Variants in TRAF3 observed in about 807,000 individuals in gnomAD.
The protein encoded by TRAF3 is TNF receptor-associated factor 3.
In TRAF3, 13 loss-of-function variants were observed where a neutral mutation model predicts 62.3. The observed-to-expected ratio is 0.21, with a 90% CI of 0.14 to 0.33. The LOEUF (loss-of-function observed/expected upper bound fraction) is 0.33, where lower values mean the gene tolerates loss of function less well. Among genes scored for constraint, TRAF3 ranks in the 10% least tolerant of loss-of-function variants. The pLI is 1.00. For missense variants in TRAF3, 440 were observed against 741.8 expected (o/e 0.59, Z 4.73); for synonymous variants, 269 against 283.4 (o/e 0.95, Z 0.51).
intron 2 of TRAF3, among the ~76,000 whole-genome samples, chr14:102,832,060 G>T (rs1253479475): frequency 6.6e-6 from 1 of 152,094 alleles, no homozygotes; most frequent in African/African-American, 2.4e-5. Flanking sequence ...AGAAGTGTGA[G>T]AAGAAAAGTA....
chr14:102,824,944 G>A (rs1900208835), intron 1 of TRAF3, among the ~76,000 whole-genome samples: 1 of 152,212 alleles, frequency 6.6e-6, no homozygotes, highest in Non-Finnish European at 1.5e-5. Context: ...TGAATTGTGA[G>A]TAGACACGAT....
intron 1 of TRAF3, among the ~76,000 whole-genome samples, chr14:102,796,566 G>T (rs952933969): frequency 2.6e-5 from 4 of 152,240 alleles, no homozygotes; most frequent in Non-Finnish European, 5.9e-5. Flanking sequence ...CGACTGAACC[G>T]CCAACAGCTT....
Position 102,872,126 on chromosome 14 carries a change from T to A in TRAF3, c.297+158T>A, listed in dbSNP as rs575608755. 4.6e-5 allele frequency among the ~76,000 whole-genome samples: 7 copies of A among 152,356 alleles called. No individual in the cohort carries two copies. The South Asian group carries it at 1.4e-3, about 32-fold the overall frequency. ...CAGGACACTGTGCCATGTGATCACC[T>A]GGGCAGACAGTGGATTCAGATCCAC... is the stretch of plus-strand genomic sequence containing the variant. On this transcript the variant is annotated intron_variant, in intron 4 of 11. Coordinates refer to ENST00000392745, the MANE Select transcript of TRAF3 (RefSeq NM_145725.3).
Position 102,829,814 on chromosome 14 carries a change from C to A in TRAF3, c.-156-520C>A, listed in dbSNP as rs1900557183. Among the ~76,000 whole-genome samples, 3 of 152,110 alleles carry A rather than the reference C, an allele frequency of 2.0e-5. No homozygotes were observed. In the South Asian group the frequency reaches 6.2e-4, roughly 32 times the overall value. On this transcript the variant is annotated intron_variant, in intron 1 of 11. Coordinates refer to ENST00000392745, the MANE Select transcript of TRAF3 (RefSeq NM_145725.3). ...GCCTATTGTCTTCATTGCCGAAGAT[C>A]TGTTTGCTGTTTGTTAGAAATATAT...
At chr14:102,804,514 G>T (rs1465851213) in intron 1 of TRAF3, among the ~76,000 whole-genome samples, 2 of 152,008 alleles carry the variant, frequency 1.3e-5, no homozygotes, top group Non-Finnish European at 2.9e-5. Context: ...TTGAGTCAGG[G>T]TCTCACTCTG....
In TRAF3 at chr14:102,876,529, C is replaced by G. The variant is rs376228222; in HGVS notation, c.570+4C>G. ...GGTTCCGATGATCGCGCTGCAGGTG[C>G]GGGTCCTCCCATTCCACAGGCCTTC... On this transcript the variant is annotated splice_donor_region_variant and intron_variant, in intron 6 of 11. Transcript: ENST00000392745. 4 of 1,612,622 alleles carry G rather than the reference C, an allele frequency of 2.5e-6. No homozygotes were observed. Among genetic ancestry groups the G allele is most frequent in the Admixed American group, 3.3e-5 (2 of 59,962 alleles).
rs544211332 is a variant in TRAF3 at position 102,779,101 on chromosome 14, C to T, written c.-157+1426C>T. On this transcript the variant is annotated intron_variant, in intron 1 of 11. Transcript: ENST00000392745. ...GGACTGGAAATCCTGTGAGTGGGTG[C>T]TCATGACGGAAACCCTGACAGACCT... Among the ~76,000 whole-genome samples the T allele has an allele frequency of 3.9e-5, 6 of 152,260 alleles. No homozygotes were observed. The East Asian group carries it at 1.2e-3, about 29-fold the overall frequency.
rs1214424484 is a variant in TRAF3 at position 102,908,271 on chromosome 14, G to A, written c.*2487G>A. On this transcript the variant is annotated 3_prime_UTR_variant, in exon 12 of 12. Coordinates refer to ENST00000392745, the MANE Select transcript of TRAF3 (RefSeq NM_145725.3). ...AACCTGAGTGACAGGAGTCCTTGAGGATGGGATGGCCTATGTCACACACTT... is the reference window on the plus strand; with the variant it reads ...AACCTGAGTGACAGGAGTCCTTGAGAATGGGATGGCCTATGTCACACACTT... 1 of 152,330 alleles carries A rather than the reference G, an allele frequency of 6.6e-6. No homozygotes were observed. The highest frequency in any genetic ancestry group is 1.9e-4 in the East Asian group (1 of 5,200). The allele number at this position is 152,330 out of a possible 1,614,324, so 9.4% of individuals were successfully genotyped here.
At chr14:102,781,519 A>C (rs966131197) in intron 1 of TRAF3, among the ~76,000 whole-genome samples, 8 of 152,198 alleles carry the variant, frequency 5.3e-5, no homozygotes, top group African/African-American at 1.4e-4. Flanking sequence ...GCCCCTTCCT[A>C]GCCTGGCATG....
In TRAF3 at chr14:102,878,968, C is replaced by T. The variant is rs553526227; in HGVS notation, c.570+2443C>T. On this transcript the variant is annotated intron_variant, in intron 6 of 11. Transcript: ENST00000392745. ...CAGGTGGGGTATGAGGTAAAGGTGA[C>T]TCCCAGTGCTTGTGGAGAACCTAGG... Among the ~76,000 whole-genome samples the T allele has an allele frequency of 5.9e-5, 9 of 152,078 alleles. No homozygotes were observed. The East Asian group carries it at 1.7e-3, about 29-fold the overall frequency.
intron 1 of TRAF3, among the ~76,000 whole-genome samples, chr14:102,823,632 G>A (rs975075830): frequency 6.6e-6 from 1 of 152,066 alleles, no homozygotes. Context: ...TTGCAGTAAC[G>A]TTTTCTTGTT....
chr14:102,885,147 A>G (rs1037934149), intron 6 of TRAF3, among the ~76,000 whole-genome samples: 3 of 152,154 alleles, frequency 2.0e-5, no homozygotes, highest in African/African-American at 7.2e-5. Context: ...CCTTAGAAAC[A>G]TGCCGAGGAA....
chr14:102,905,901 C>T lies in TRAF3; in HGVS notation c.*117C>T. ...GGACCTTGTGAGACGGAGGAAGCGGCAGAAGGCGGACGCGTGCCGGCGGGA... is the reference window on the plus strand; with the variant it reads ...GGACCTTGTGAGACGGAGGAAGCGGTAGAAGGCGGACGCGTGCCGGCGGGA... On this transcript the variant is annotated 3_prime_UTR_variant, in exon 12 of 12. Transcript: ENST00000392745. The T allele has an allele frequency of 1.0e-6, 1 of 986,138 alleles. No homozygotes were observed. The highest frequency in any genetic ancestry group is 1.5e-6 in the Non-Finnish European group (1 of 669,802). 61.1% of individuals were successfully genotyped at this position (986,138 alleles called of 1,614,324 possible). A position where few individuals can be genotyped will look rare whatever the true frequency, so the allele number is the denominator to read the frequency against.
intron 1 of TRAF3, among the ~76,000 whole-genome samples, chr14:102,822,911 C>G (rs1266794051): frequency 6.6e-6 from 1 of 151,416 alleles, no homozygotes; most frequent in Non-Finnish European, 1.5e-5. Context: ...GAGGCTGAGG[C>G]AGGAGAGTTG....
intron 2 of TRAF3, among the ~76,000 whole-genome samples, chr14:102,867,621 A>G (rs1442647665): frequency 1.3e-5 from 2 of 152,066 alleles, no homozygotes; most frequent in African/African-American, 2.4e-5. Flanking sequence ...CTGAGGCACA[A>G]TAGGCCAGTG....
chr14:102,852,377 G>C (rs1309856346), intron 2 of TRAF3, among the ~76,000 whole-genome samples: 1 of 152,154 alleles, frequency 6.6e-6, no homozygotes, highest in African/African-American at 2.4e-5. Flanking sequence ...AGCTGTACTT[G>C]TAGGTGTTGT....
intron 2 of TRAF3, among the ~76,000 whole-genome samples, chr14:102,842,386 G>A (rs149923559): frequency 2.6e-5 from 4 of 151,040 alleles, no homozygotes; most frequent in East Asian, 3.9e-4. Flanking sequence ...AGGTTATTAC[G>A]ACAGAAGAAA....
chr14:102,838,175 A>G (rs1390173304), intron 2 of TRAF3, among the ~76,000 whole-genome samples: 1 of 152,236 alleles, frequency 6.6e-6, no homozygotes, highest in African/African-American at 2.4e-5. Context: ...GCAAATTTGT[A>G]ATTGTGACAA....
chr14:102,886,404 C>T, intron 7 of TRAF3, 135 bp downstream of exon 7: 1 of 774,592 alleles, frequency 1.3e-6, no homozygotes, highest in Non-Finnish European at 2.1e-6. Flanking sequence ...AAACAAAAAC[C>T]ACAGCAAAAA....
Sources: gnomAD v4.1 joint callset for allele counts (sites outside exome capture counted in the v4.1 genomes callset) on GRCh38, gnomAD v4.1.1 for gene constraint, MANE v1.5 for transcripts, NCBI Gene and HGNC (gene_info 2026-07-23, HGNC 2026-07-21) for gene names.